Variants in CTNNA3 observed in about 807,000 individuals in gnomAD.
The protein encoded by CTNNA3 is catenin alpha 3.
A neutral mutation model predicts 95.7 loss-of-function variants in CTNNA3; 76 were observed. That is an observed-to-expected ratio of 0.79 (90% CI 0.66 to 0.96). The LOEUF is 0.96. CTNNA3 is among the 40% of genes least tolerant of loss of function. CTNNA3 has a pLI of 0.00. For missense variants in CTNNA3, 1,191 were observed against 1,089.8 expected (o/e 1.09, Z -1.31); for synonymous variants, 431 against 374.4 (o/e 1.15, Z -1.74).
At chr10:66,736,760 G>A (rs375514469) in intron 9 of CTNNA3, among the ~76,000 whole-genome samples, 259 of 151,574 alleles carry the variant, frequency 1.7e-3, no homozygotes, top group African/African-American at 5.7e-3. Flanking sequence ...CGTATTATTC[G>A]TTTACAGCAT....
intron 5 of CTNNA3, among the ~76,000 whole-genome samples, chr10:67,487,939 C>A (rs1848506078): frequency 6.6e-6 from 1 of 152,198 alleles, no homozygotes; most frequent in Admixed American, 6.5e-5. Context: ...AATATGAGGA[C>A]AGATGTGAGA....
At chr10:65,945,325 T>A (rs1303829801) in intron 17 of CTNNA3, among the ~76,000 whole-genome samples, 3 of 152,168 alleles carry the variant, frequency 2.0e-5, no homozygotes, top group Non-Finnish European at 4.4e-5. Flanking sequence ...TGCATCAGCA[T>A]GTTAGTTTTA....
At position 65,920,536 on chromosome 10, in the gene CTNNA3, C is replaced by T. The variant is rs753950562; in HGVS notation, c.2482G>A (p.Ala828Thr). 1.5e-5 allele frequency: 25 copies of T among 1,613,964 alleles called. No homozygotes were observed. The Admixed American group carries it at 4.2e-4, about 27-fold the overall frequency. Reference sequence around the variant, plus strand: ...TGGATTCGGATGATCTTGGTTGAGGCAATGTAAGACATTTTCACTGTTTGC... The same window carrying T: ...TGGATTCGGATGATCTTGGTTGAGGTAATGTAAGACATTTTCACTGTTTGC... ...VVQTVKMSYI[A>T]STKIIRIQSP... Residue 828 changes from alanine (A) to threonine (T), a missense_variant, in exon 18 of 18, where the codon GCC becomes ACC. Coordinates refer to ENST00000433211, the MANE Select transcript of CTNNA3 (RefSeq NM_013266.4).
intron 5 of CTNNA3, among the ~76,000 whole-genome samples, chr10:67,336,001 T>C (rs935339016): frequency 1.3e-5 from 2 of 152,114 alleles, no homozygotes; most frequent in African/African-American, 4.8e-5. Context: ...ATTTCCACAA[T>C]ATTTCAAACT....
chr10:67,111,220 C>T (rs903443872), intron 7 of CTNNA3, among the ~76,000 whole-genome samples: 1 of 152,136 alleles, frequency 6.6e-6, no homozygotes, highest in Non-Finnish European at 1.5e-5. Context: ...GAAAAGCTTA[C>T]ATTAATTTAT....
Position 66,927,007 on chromosome 10 carries a change from G to A in CTNNA3, c.1048-151483C>T, listed in dbSNP as rs755532610. The A allele has an allele frequency of 2.5e-6, 4 of 1,614,056 alleles. No homozygotes were observed. The highest frequency in any genetic ancestry group is 3.4e-6 in the Non-Finnish European group (4 of 1,180,024). On this transcript the variant is annotated intron_variant, in intron 7 of 17. Transcript: ENST00000433211. The surrounding 1 kb of genome is among the most constrained non-coding windows in gnomAD (Gnocchi z 4.7). ...CTTACTGACAATGCTTTCTTCTGCC[G>A]AACGAGGATGCCCTAAGGGCTGTAG... is the stretch of plus-strand genomic sequence containing the variant.
chr10:66,805,410 A>T (rs998965674), intron 7 of CTNNA3, among the ~76,000 whole-genome samples: 7 of 151,072 alleles, frequency 4.6e-5, no homozygotes, highest in African/African-American at 1.5e-4. Context: ...TAAAAATCTC[A>T]TTTGTTTGAA....
chr10:66,699,595 T>A (rs7911791), intron 9 of CTNNA3, among the ~76,000 whole-genome samples: 56,975 of 151,780 alleles, frequency 0.38, 11,116 homozygotes, highest in Non-Finnish European at 0.41. Context: ...CATATGCACA[T>A]GTGCACATAT....
At chr10:66,881,819 T>G (rs1331364615) in intron 7 of CTNNA3, among the ~76,000 whole-genome samples, 1 of 152,078 alleles carries the variant, frequency 6.6e-6, no homozygotes, top group Admixed American at 6.6e-5. Flanking sequence ...GGAAACTAAA[T>G]TCATGATACA....
chr10:66,620,313 G>C (rs1319932495), intron 10 of CTNNA3, among the ~76,000 whole-genome samples: 2 of 151,642 alleles, frequency 1.3e-5, no homozygotes, highest in African/African-American at 4.8e-5. Context: ...ATGGGCAACA[G>C]AGATATTTTT....
chr10:66,873,620 T>C (rs1187607410), intron 7 of CTNNA3, among the ~76,000 whole-genome samples: 2 of 152,032 alleles, frequency 1.3e-5, no homozygotes, highest in Non-Finnish European at 2.9e-5. Context: ...ACTACAACCA[T>C]CTGATCCTCA....
intron 10 of CTNNA3, among the ~76,000 whole-genome samples, chr10:66,566,149 A>G (rs1271123402): frequency 3.3e-5 from 5 of 152,180 alleles, no homozygotes; most frequent in African/African-American, 1.2e-4. Flanking sequence ...AGGACTGGTA[A>G]CTAAGAGTAG....
intron 11 of CTNNA3, among the ~76,000 whole-genome samples, chr10:66,430,667 TAATA>T (rs2093286366): frequency 6.6e-6 from 1 of 152,192 alleles, no homozygotes; most frequent in African/African-American, 2.4e-5. Flanking sequence ...ATTCCTTATT[TAATA>T]AATGGTGCTG....
intron 5 of CTNNA3, among the ~76,000 whole-genome samples, chr10:67,432,113 T>G (rs1846128300): frequency 6.6e-6 from 1 of 151,946 alleles, no homozygotes; most frequent in Admixed American, 6.6e-5. Context: ...TAAAGGAAAA[T>G]TTATATCGCT....
chr10:66,057,713 A>G (rs2080114613), intron 15 of CTNNA3, among the ~76,000 whole-genome samples: 1 of 152,194 alleles, frequency 6.6e-6, no homozygotes, highest in South Asian at 2.1e-4. Flanking sequence ...CCAATAGGAA[A>G]AAAAGTAAGC....
intron 3 of CTNNA3, among the ~76,000 whole-genome samples, chr10:67,568,021 A>G (rs1412141570): frequency 1.3e-5 from 2 of 152,114 alleles, no homozygotes; most frequent in South Asian, 4.1e-4. Flanking sequence ...CCCACTTTGC[A>G]TGGCTCATGA....
intron 15 of CTNNA3, among the ~76,000 whole-genome samples, chr10:66,025,939 A>T (rs1049544328): frequency 1.3e-5 from 2 of 152,204 alleles, no homozygotes; most frequent in African/African-American, 4.8e-5. Flanking sequence ...GAACATACAC[A>T]CACACTCACA....
chr10:66,489,041 A>T (rs1336768493), intron 11 of CTNNA3, among the ~76,000 whole-genome samples: 1 of 152,152 alleles, frequency 6.6e-6, no homozygotes, highest in East Asian at 1.9e-4. Context: ...TATCCAGGAA[A>T]AATTAATTTG....
intron 3 of CTNNA3, among the ~76,000 whole-genome samples, chr10:67,561,000 G>C (rs573883995): frequency 4.0e-5 from 6 of 151,428 alleles, no homozygotes; most frequent in Admixed American, 1.3e-4. Flanking sequence ...AGTCCTTAGA[G>C]ACCTACAAAG....
Sources: allele counts gnomAD v4.1 joint callset (sites outside exome capture counted in the v4.1 genomes callset), GRCh38; gene constraint gnomAD v4.1.1; non-coding constraint Gnocchi (gnomAD v3.1); transcripts MANE v1.5; gene names NCBI Gene and HGNC (gene_info 2026-07-23, HGNC 2026-07-21).